The following FAM120C variants were observed in gnomAD, a reference collection of about 807,000 sequenced individuals.
FAM120C encodes constitutive coactivator of PPAR-gamma-like protein 2.
In FAM120C, 14 loss-of-function variants were observed where a neutral mutation model predicts 71.2. The observed-to-expected ratio is 0.20, with a 90% confidence interval of 0.13 to 0.31. FAM120C has a LOEUF of 0.31. Ranked by LOEUF, FAM120C falls within the 10% of genes least tolerant of loss-of-function variation. The pLI is 1.00. For synonymous variants in FAM120C, 354 were observed against 353.2 expected (o/e 1.00, Z -0.03); for missense variants, 500 against 879.0 (o/e 0.57, Z 5.45).
chrX:54,089,526 G>C (rs1357239988), intron 11 of FAM120C, among the ~76,000 whole-genome samples: 2 of 111,832 alleles, frequency 1.8e-5, no homozygotes, highest in African/African-American at 6.5e-5. Context: ...TTCCTTAGTT[G>C]ACCTCACTTA....
At chrX:54,086,888 C>CACTATGGATAGCGCAAAAA (rs2066797541) in intron 12 of FAM120C, among the ~76,000 whole-genome samples, 1 of 110,172 alleles carries the variant, frequency 9.1e-6, no homozygotes, top group Non-Finnish European at 1.9e-5. Context: ...TGGTTTGTAG[C>CACTATGGATAGCGCAAAAA]ACTATGGATA....
chrX:54,092,571 C>T (rs1459987684), intron 10 of FAM120C, among the ~76,000 whole-genome samples: 8 of 108,147 alleles, frequency 7.4e-5, no homozygotes, highest in Non-Finnish European at 1.5e-4. Context: ...GAGGAGGAGA[C>T]GACGAAGAAG....
At chrX:54,081,667 G>A (rs988552221) in intron 13 of FAM120C, among the ~76,000 whole-genome samples, 14 of 108,176 alleles carry the variant, frequency 1.3e-4, no homozygotes, top group Non-Finnish European at 2.5e-4. Flanking sequence ...CCAGCCACTC[G>A]GGAGGCGGAG....
At chrX:54,097,531 T>G (rs1462917792) in intron 10 of FAM120C, among the ~76,000 whole-genome samples, 1 of 112,143 alleles carries the variant, frequency 8.9e-6, no homozygotes, top group Non-Finnish European at 1.9e-5. Context: ...TACCCATCTG[T>G]GCTATCTTAG....
intron 1 of FAM120C, among the ~76,000 whole-genome samples, chrX:54,181,462 AG>A (rs1407421747): frequency 8.9e-6 from 1 of 112,252 alleles, no homozygotes; most frequent in Non-Finnish European, 1.9e-5. Flanking sequence ...ACAGAGCAGC[AG>A]CAGTGGTGCC....
intron 10 of FAM120C, among the ~76,000 whole-genome samples, chrX:54,106,596 G>C (rs1466162394): frequency 1.8e-5 from 2 of 111,818 alleles, no homozygotes; most frequent in African/African-American, 6.5e-5. Context: ...CACAGCAAAA[G>C]AAACTATCAT....
chrX:54,106,143 T>C (rs976239090), intron 10 of FAM120C, among the ~76,000 whole-genome samples: 1 of 111,777 alleles, frequency 8.9e-6, no homozygotes, highest in African/African-American at 3.3e-5. Flanking sequence ...GGCATCATGC[T>C]ACCTGACTTC....
intron 10 of FAM120C, among the ~76,000 whole-genome samples, chrX:54,096,453 C>T (rs1245653652): frequency 2.7e-5 from 3 of 111,663 alleles, no homozygotes; most frequent in African/African-American, 9.7e-5. Context: ...TGTAATCTTA[C>T]CATTTAGATA....
intron 3 of FAM120C, among the ~76,000 whole-genome samples, chrX:54,151,931 G>A (rs1399012708): frequency 9.0e-6 from 1 of 111,115 alleles, no homozygotes; most frequent in Non-Finnish European, 1.9e-5. Flanking sequence ...CCCAGAAAGT[G>A]TGGCAAAATA....
At chrX:54,076,197 G>A (rs1265297190) in intron 15 of FAM120C, among the ~76,000 whole-genome samples, 1 of 110,593 alleles carries the variant, frequency 9.0e-6, no homozygotes, top group African/African-American at 3.3e-5. Context: ...AAATTCGCCG[G>A]GTGTGGTGGT....
chrX:54,131,292 C>T (rs1192658335), intron 9 of FAM120C, among the ~76,000 whole-genome samples: 1 of 111,019 alleles, frequency 9.0e-6, no homozygotes, highest in East Asian at 2.8e-4. Flanking sequence ...GTGTGTGAGA[C>T]GGGGTCTCCT....
chrX:54,081,567 T>C (rs1157669987), intron 13 of FAM120C, 107 bp from the exon 14 acceptor site: 1 of 849,396 alleles, frequency 1.2e-6, no homozygotes. Context: ...AAGTCAGGAG[T>C]TCCAGAGCCA....
intron 9 of FAM120C, among the ~76,000 whole-genome samples, chrX:54,125,374 C>T (rs782076453): frequency 1.8e-5 from 2 of 111,433 alleles, no homozygotes; most frequent in South Asian, 7.6e-4. Context: ...TCTCAGCTCA[C>T]TGCAACTTCT....
At chrX:54,179,333 C>A (rs2067334931) in intron 1 of FAM120C, among the ~76,000 whole-genome samples, 1 of 111,850 alleles carries the variant, frequency 8.9e-6, no homozygotes, top group Non-Finnish European at 1.9e-5. Flanking sequence ...AATAAAGGCC[C>A]ATCTTGTGGT....
intron 10 of FAM120C, among the ~76,000 whole-genome samples, chrX:54,093,602 T>C (rs782675723): frequency 8.9e-6 from 1 of 112,253 alleles, no homozygotes; most frequent in East Asian, 2.8e-4. Context: ...AGGACATTTA[T>C]AAGGAAATGC....
intron 10 of FAM120C, among the ~76,000 whole-genome samples, chrX:54,097,252 C>G (rs1486532006): frequency 8.9e-6 from 1 of 112,020 alleles, no homozygotes; most frequent in Admixed American, 9.5e-5. Context: ...TGGGCAGTCT[C>G]TGTTCCTGCC....
intron 15 of FAM120C, among the ~76,000 whole-genome samples, chrX:54,077,939 CTTT>C (rs1194855968): frequency 9.0e-5 from 5 of 55,296 alleles, no homozygotes; most frequent in Non-Finnish European, 1.6e-4. Context: ...AAGATCTACT[CTTT>C]TTTTTTTTTT....
At chrX:54,118,699 C>CTTTTTTTTTT (rs1187381929) in intron 9 of FAM120C, among the ~76,000 whole-genome samples, 5 of 31,728 alleles carry the variant, frequency 1.6e-4, no homozygotes, top group African/African-American at 2.8e-4. Context: ...TTCTTTTTTT[C>CTTTTTTTTTT]TTTTTTTTTT....
chrX:54,098,870 C>T (rs781947309), intron 10 of FAM120C, among the ~76,000 whole-genome samples: 4 of 111,351 alleles, frequency 3.6e-5, no homozygotes, highest in Admixed American at 9.7e-5. Context: ...CTGCCCTCCT[C>T]GGCCTCCGAA....
Sources: gnomAD v4.1 joint callset for allele counts (sites outside exome capture counted in the v4.1 genomes callset) on GRCh38, gnomAD v4.1.1 for gene constraint, MANE v1.5 for transcripts, NCBI Gene and HGNC (gene_info 2026-07-23, HGNC 2026-07-21) for gene names.